ESF1: variants seen among roughly 807,000 people sequenced by gnomAD.
ESF1 encodes ESF1 homolog.
ESF1 carries 58 observed loss-of-function variants against 92.0 expected under a neutral mutation model. The ratio of observed to expected loss-of-function variants is 0.63; its 90% CI spans 0.51 to 0.78. ESF1 has a LOEUF of 0.78. ESF1 is among the 30% of genes least tolerant of loss of function. The pLI is 0.00. For missense variants in ESF1, 922 were observed against 989.1 expected (o/e 0.93, Z 0.91); for synonymous variants, 321 against 313.7 (o/e 1.02, Z -0.24).
chr20:13,781,270 GA>G (rs202093738), intron 2 of ESF1, among the ~76,000 whole-genome samples: 2,681 of 152,180 alleles, frequency 0.018, 37 homozygotes, highest in Middle Eastern at 0.044. Flanking sequence ...ACATTAATAT[GA>G]AAATAGTATT....
At chr20:13,756,797 G>C (rs1040612504) in intron 9 of ESF1, among the ~76,000 whole-genome samples, 3 of 152,158 alleles carry the variant, frequency 2.0e-5, no homozygotes, top group African/African-American at 7.2e-5. Context: ...ATTGTGGCCT[G>C]GTTGTTCTCT....
intron 8 of ESF1, among the ~76,000 whole-genome samples, chr20:13,762,326 A>G (rs73256789): frequency 6.6e-6 from 1 of 152,304 alleles, no homozygotes; most frequent in African/African-American, 2.4e-5. Context: ...TTTGTGCCAC[A>G]ATAATAATGT....
At chr20:13,780,370 C>T (rs1980124146) in intron 2 of ESF1, among the ~76,000 whole-genome samples, 1 of 152,218 alleles carries the variant, frequency 6.6e-6, no homozygotes, top group South Asian at 2.1e-4. Flanking sequence ...GACTAACTTA[C>T]CTCACTAATT....
At chr20:13,761,389 A>G (rs899330102) in intron 8 of ESF1, among the ~76,000 whole-genome samples, 1 of 148,924 alleles carries the variant, frequency 6.7e-6, no homozygotes, top group African/African-American at 2.5e-5. Flanking sequence ...AAAAAAAAAT[A>G]AATAAAATAA....
At chr20:13,761,640 G>A (rs1038105184) in intron 8 of ESF1, among the ~76,000 whole-genome samples, 1 of 152,024 alleles carries the variant, frequency 6.6e-6, no homozygotes, top group South Asian at 2.1e-4. Context: ...TTACTCCAAC[G>A]ATCTCATTAA....
chr20:13,716,920 C>G (rs1178990309), intron 13 of ESF1, among the ~76,000 whole-genome samples: 2 of 148,512 alleles, frequency 1.3e-5, no homozygotes, highest in Non-Finnish European at 3.0e-5. Flanking sequence ...TGGGTTCACG[C>G]CATTCTCCTG....
At chr20:13,777,034 T>C (rs1005627396) in intron 2 of ESF1, among the ~76,000 whole-genome samples, 2 of 152,204 alleles carry the variant, frequency 1.3e-5, no homozygotes, top group African/African-American at 4.8e-5. Flanking sequence ...AAAAAGAGGA[T>C]GTCATCTTCT....
At chr20:13,748,604 T>TTTTC in intron 9 of ESF1, among the ~76,000 whole-genome samples, 1 of 121,026 alleles carries the variant, frequency 8.3e-6, no homozygotes, top group African/African-American at 3.0e-5. Flanking sequence ...TTTTTTTTTT[T>TTTTC]TGAGATGGAG....
At chr20:13,723,040 C>T (rs6042317) in intron 11 of ESF1, among the ~76,000 whole-genome samples, 23,281 of 152,074 alleles carry the variant, frequency 0.15, 2,245 homozygotes, top group East Asian at 0.42. Context: ...TAACAGAATA[C>T]ATCCATGGAA....
chr20:13,766,822 C>G lies in ESF1; in HGVS notation c.1621G>C (p.Ala541Pro). The G allele has an allele frequency of 6.2e-7, 1 of 1,613,830 alleles. No homozygotes were observed. Among genetic ancestry groups the G allele is most frequent in the South Asian group, 1.1e-5 (1 of 91,076 alleles). ...LLDMDFQAYL[A>P]SSSEDEEEIE... The stretch of plus-strand genomic sequence containing the variant: ...TCCTCTTCATCTTCACTAGAGGAAG[C>G]TAAGTAGGCTTGAAAATCCATGTCC... Residue 541 changes from alanine (A) to proline (P), a missense_variant, in exon 8 of 14, where the codon GCT (alanine) becomes CCT (proline). By Grantham distance (27) the Ala-to-Pro change is conservative (BLOSUM62 -1). Transcript: ENST00000617257.
intron 10 of ESF1, among the ~76,000 whole-genome samples, chr20:13,732,935 T>TTTAC (rs2049953077): frequency 6.6e-6 from 1 of 151,124 alleles, no homozygotes; most frequent in Non-Finnish European, 1.5e-5. Context: ...TATTTATTTA[T>TTTAC]TTATTTATTG....
intron 9 of ESF1, among the ~76,000 whole-genome samples, chr20:13,747,157 T>C (rs892988153): frequency 6.6e-6 from 1 of 152,084 alleles, no homozygotes; most frequent in African/African-American, 2.4e-5. Context: ...TCCTTTAAGG[T>C]TTACTCTTTC....
intron 9 of ESF1, among the ~76,000 whole-genome samples, chr20:13,741,187 C>T (rs1270780667): frequency 6.6e-6 from 1 of 152,206 alleles, no homozygotes; most frequent in Admixed American, 6.5e-5. Context: ...AACTCTCTAT[C>T]ACTAAATTCT....
intron 9 of ESF1, among the ~76,000 whole-genome samples, chr20:13,742,399 G>C (rs1167056243): frequency 3.3e-5 from 5 of 152,062 alleles, no homozygotes; most frequent in African/African-American, 1.2e-4. Flanking sequence ...CTTGAACCCA[G>C]GAGATGGAGG....
At position 13,782,393 on chromosome 20, in the gene ESF1, G is replaced by A. The variant is rs755190266; in HGVS notation, c.637+111C>T. On this transcript the variant is annotated intron_variant, in intron 2 of 13. Transcript: ENST00000617257. The stretch of plus-strand genomic sequence containing the variant: ...GCTTTGTATTTCCAGATAAGCATTT[G>A]ACCATTCCATAATACTATGAAAATA... 153 of 877,294 alleles carry A rather than the reference G, an allele frequency of 1.7e-4. 1 individual carries two copies. The highest frequency in any genetic ancestry group is 2.3e-4 in the Non-Finnish European group (145 of 620,814). 54.3% of individuals were successfully genotyped at this position (877,294 alleles called of 1,614,324 possible). A position where few individuals can be genotyped will look rare whatever the true frequency, so the allele number is the denominator to read the frequency against.
chr20:13,718,571 G>A (rs1185786346), intron 12 of ESF1, among the ~76,000 whole-genome samples: 1 of 152,076 alleles, frequency 6.6e-6, no homozygotes, highest in African/African-American at 2.4e-5. Flanking sequence ...TAAAACTTAT[G>A]GCAATATTAT....
Position 13,715,019 on chromosome 20 carries a change from A to T in ESF1, c.2411T>A (p.Leu804His). 6.2e-7 allele frequency: 1 copy of T among 1,613,904 alleles called. No individual in the cohort carries two copies. Among genetic ancestry groups the T allele is most frequent in the Non-Finnish European group, 8.5e-7 (1 of 1,179,978 alleles). ...ARQRERKEQE[L>H]TQAIKKKESE... Reference sequence around the variant, plus strand: ...CTCTTTTTTCTTTATTGCCTGAGTAAGTTCTTGTTCTTTCCGTTCTCTTTG... The same window carrying T: ...CTCTTTTTTCTTTATTGCCTGAGTATGTTCTTGTTCTTTCCGTTCTCTTTG... The change falls in exon 14 of 14, where the codon CTT (leucine) becomes CAT (histidine). Residue 804 changes from leucine (L) to histidine (H), a missense_variant. Transcript: ENST00000617257.
Position 13,731,046 on chromosome 20 carries a change from T to C in ESF1, c.1951-2581A>G, listed in dbSNP as rs549578568. ...GAGTACTGTAGGGTCTAGAACACCC[T>C]GGACACTCAACAATGTATTTTGAAT... On this transcript the variant is annotated intron_variant, in intron 10 of 13. Transcript: ENST00000617257. 2.5e-4 allele frequency among the ~76,000 whole-genome samples: 38 copies of C among 152,250 alleles called. No individual in the cohort carries two copies. The South Asian group carries it at 3.5e-3, about 14-fold the overall frequency.
intron 4 of ESF1, among the ~76,000 whole-genome samples, chr20:13,774,627 CACTT>C (rs757282006): frequency 2.0e-4 from 31 of 152,180 alleles, no homozygotes; most frequent in Admixed American, 7.2e-4. Flanking sequence ...GATCACATAA[CACTT>C]ACGAGAATCA....
Sources: gnomAD v4.1 joint callset for allele counts (sites outside exome capture counted in the v4.1 genomes callset) on GRCh38, gnomAD v4.1.1 for gene constraint, MANE v1.5 for transcripts, NCBI Gene and HGNC (gene_info 2026-07-23, HGNC 2026-07-21) for gene names.